The following TCF20 variants were observed in gnomAD, a reference collection of about 807,000 sequenced individuals.
The protein encoded by TCF20 is SPRE-binding protein.
Under a neutral mutation model 148.6 loss-of-function variants are expected in TCF20, and 3 were observed. The ratio of observed to expected loss-of-function variants is 0.02; its 90% CI spans 0.01 to 0.05. TCF20 has a LOEUF of 0.05. Among genes scored for constraint, TCF20 ranks in the 10% least tolerant of loss-of-function variants. The pLI, the probability that TCF20 is intolerant of heterozygous loss-of-function variation, is 1.00. For synonymous variants in TCF20, 1,049 were observed against 909.5 expected (o/e 1.15, Z -2.76); for missense variants, 2,350 against 2,429.3 (o/e 0.97, Z 0.69).
intron 1 of TCF20, among the ~76,000 whole-genome samples, chr22:42,328,483 G>C (rs561945235): frequency 6.6e-6 from 1 of 152,100 alleles, no homozygotes; most frequent in East Asian, 1.9e-4. Context: ...GCAGCCCCCC[G>C]TGAACCTGGT....
At chr22:42,260,231 G>A (rs568145343) in intron 1 of TCF20, among the ~76,000 whole-genome samples, 1 of 152,274 alleles carries the variant, frequency 6.6e-6, no homozygotes, top group East Asian at 1.9e-4. Context: ...AAACAAGAGG[G>A]AAGGTGAACA....
chr22:42,342,921 T>C (rs1928193602), intron 1 of TCF20, among the ~76,000 whole-genome samples: 1 of 152,186 alleles, frequency 6.6e-6, no homozygotes, highest in African/African-American at 2.4e-5. Context: ...TTTCAGCTTC[T>C]AGGCGCTAGT....
intron 1 of TCF20, among the ~76,000 whole-genome samples, chr22:42,269,076 G>A (rs1569195600): frequency 6.6e-6 from 1 of 152,148 alleles, no homozygotes; most frequent in Non-Finnish European, 1.5e-5. Context: ...TTTATTTGGC[G>A]TCAAAGCTGT....
At chr22:42,282,763 G>A (rs1926930863) in intron 1 of TCF20, among the ~76,000 whole-genome samples, 1 of 152,192 alleles carries the variant, frequency 6.6e-6, no homozygotes, top group Non-Finnish European at 1.5e-5. Flanking sequence ...TCCGGGGTGA[G>A]CTGAGGAGGG....
At chr22:42,220,247 G>A (rs574953199) in intron 1 of TCF20, among the ~76,000 whole-genome samples, 5 of 152,274 alleles carry the variant, frequency 3.3e-5, no homozygotes, top group African/African-American at 1.2e-4. Flanking sequence ...CAGGCTCACT[G>A]CGGCCTCAAC....
intron 1 of TCF20, among the ~76,000 whole-genome samples, chr22:42,332,312 G>A (rs769311502): frequency 2.0e-5 from 3 of 152,128 alleles, no homozygotes; most frequent in Non-Finnish European, 2.9e-5. Flanking sequence ...GCAGCTCAGG[G>A]CTTTTGAGAA....
intron 2 of TCF20, among the ~76,000 whole-genome samples, chr22:42,196,375 C>T (rs894532349): frequency 2.0e-5 from 3 of 152,158 alleles, no homozygotes; most frequent in African/African-American, 7.2e-5. Context: ...GAGGGAGACA[C>T]AAAGTCTTAT....
intron 1 of TCF20, among the ~76,000 whole-genome samples, chr22:42,292,000 T>C (rs1022855832): frequency 6.6e-6 from 1 of 152,244 alleles, no homozygotes; most frequent in Middle Eastern, 3.4e-3. Flanking sequence ...CCAGCACCTA[T>C]TGTCTCCTGC....
intron 1 of TCF20, among the ~76,000 whole-genome samples, chr22:42,340,999 G>A (rs1928156492): frequency 6.6e-6 from 1 of 151,676 alleles, no homozygotes; most frequent in Admixed American, 6.6e-5. Context: ...GGAGCCCCGC[G>A]GAGCTGCGGG....
At chr22:42,219,435 T>C (rs982827355) in intron 1 of TCF20, among the ~76,000 whole-genome samples, 3 of 144,450 alleles carry the variant, frequency 2.1e-5, no homozygotes, top group South Asian at 2.2e-4. Context: ...AGCATCAGTG[T>C]AGTCAGTTTT....
At chr22:42,272,041 C>T (rs939738379), upstream of TCF20, among the ~76,000 whole-genome samples, 2 of 152,222 alleles carry the variant, frequency 1.3e-5, no homozygotes, top group African/African-American at 2.4e-5. Context: ...GTGATTTCTC[C>T]TGGCTTCTGT....
intron 1 of TCF20, among the ~76,000 whole-genome samples, chr22:42,300,422 C>A (rs907688761): frequency 2.0e-5 from 3 of 152,124 alleles, no homozygotes; most frequent in Non-Finnish European, 4.4e-5. Context: ...CCACATGGGC[C>A]AAATAGAGCA....
Position 42,214,311 on chromosome 22 carries a change from G to A in TCF20, c.995C>T (p.Thr332Ile), listed in dbSNP as rs770876944. The change falls in exon 2 of 6, where the codon ACT becomes ATT. Residue 332 changes from threonine to isoleucine, a missense_variant. By Grantham distance (89) the Thr-to-Ile change is moderately conservative (BLOSUM62 -1). Transcript: ENST00000677622. ...CAGGGGCAGCTTGGTGGCAGCGTTA[G>A]TATACTGCATCACATGCTGAGAAGG... ...QHPSQHVMQY[T>I]NAATKLPLQS... The A allele has an allele frequency of 1.2e-6, 2 of 1,614,240 alleles. No homozygotes were observed. Among genetic ancestry groups the A allele is most frequent in the Non-Finnish European group, 8.5e-7 (1 of 1,180,050 alleles).
chr22:42,264,198 C>G (rs559467105), intron 1 of TCF20, among the ~76,000 whole-genome samples: 30 of 150,130 alleles, frequency 2.0e-4, no homozygotes, highest in South Asian at 4.3e-4. Context: ...TCCCCACCCC[C>G]CTACCCAAAC....
chr22:42,189,876 A>G (rs769685843), intron 2 of TCF20, among the ~76,000 whole-genome samples: 2 of 152,206 alleles, frequency 1.3e-5, no homozygotes, highest in Non-Finnish European at 2.9e-5. Flanking sequence ...AAATTTAGGC[A>G]GTCTAAAAAC....
At chr22:42,258,530 G>A (rs1019467934) in intron 1 of TCF20, among the ~76,000 whole-genome samples, 2 of 152,104 alleles carry the variant, frequency 1.3e-5, no homozygotes, top group Admixed American at 6.5e-5. Flanking sequence ...CAGAATTTAC[G>A]CATGCTCTGG....
Position 42,213,340 on chromosome 22 carries a change from C to G in TCF20, c.1966G>C (p.Glu656Gln), listed in dbSNP as rs1921240769. ...ETSHASLPQP[E>Q]PPGGGGSKGN... is the part of the protein sequence containing the mutation. ...TTGCTCCCTCCTCCTCCTGGAGGCT[C>G]TGGCTGGGGAAGTGATGCATGACTG... Residue 656 changes from glutamate to glutamine, a missense_variant, in exon 2 of 6, where the codon GAG becomes CAG. Glu to Gln is a conservative substitution (Grantham distance 29). This residue lies in a region of TCF20 where 1,641 missense variants were observed against 1,662.6 expected (regional missense o/e 0.99). Transcript: ENST00000677622. 2 of 1,614,036 alleles carry G rather than the reference C, an allele frequency of 1.2e-6. No homozygotes were observed. Among genetic ancestry groups the G allele is most frequent in the Non-Finnish European group, 1.7e-6 (2 of 1,180,042 alleles).
chr22:42,209,031 A>G (rs1280862470), intron 2 of TCF20, among the ~76,000 whole-genome samples: 1 of 152,246 alleles, frequency 6.6e-6, no homozygotes, highest in Non-Finnish European at 1.5e-5. Flanking sequence ...CAACTGCAGC[A>G]CTGGAAGCTA....
At chr22:42,289,949 T>C (rs1292632508) in intron 1 of TCF20, among the ~76,000 whole-genome samples, 3 of 152,214 alleles carry the variant, frequency 2.0e-5, no homozygotes, top group African/African-American at 7.2e-5. Flanking sequence ...CATCCAGATA[T>C]TGCGTGCAGG....
Sources: allele counts gnomAD v4.1 joint callset (sites outside exome capture counted in the v4.1 genomes callset), GRCh38; gene constraint gnomAD v4.1.1; regional missense constraint gnomAD v4.1.1; transcripts MANE v1.5; gene names NCBI Gene and HGNC (gene_info 2026-07-23, HGNC 2026-07-21).